Variants in SLC2A13 observed in about 807,000 individuals in gnomAD.
SLC2A13 encodes proton myo-inositol cotransporter.
In SLC2A13, 32 loss-of-function variants were observed where a neutral mutation model predicts 64.4. The ratio of observed to expected loss-of-function variants is 0.50; its 90% CI spans 0.37 to 0.67. SLC2A13 has a LOEUF of 0.67. Among genes scored for constraint, SLC2A13 ranks in the 30% least tolerant of loss-of-function variants. SLC2A13 has a pLI of 0.00. For missense variants in SLC2A13, 743 were observed against 829.2 expected (o/e 0.90, Z 1.28); for synonymous variants, 338 against 327.1 (o/e 1.03, Z -0.36).
intron 4 of SLC2A13, among the ~76,000 whole-genome samples, chr12:39,910,301 G>C (rs1231602776): frequency 2.0e-5 from 3 of 151,956 alleles, no homozygotes; most frequent in Non-Finnish European, 4.4e-5. Context: ...TGAAGCAAAA[G>C]GTCTTTTCTT....
chr12:39,759,840 T>C lies in SLC2A13; in HGVS notation c.*186A>G. On this transcript the variant is annotated 3_prime_UTR_variant, in exon 10 of 10. Transcript: ENST00000280871. Reference sequence around the variant, plus strand: ...TCTCTGTAAATATTTTTTAAAATATTGTTCCTTGTGGAAAAAAAAAGTCAT... The same window carrying C: ...TCTCTGTAAATATTTTTTAAAATATCGTTCCTTGTGGAAAAAAAAAGTCAT... 1 of 557,924 alleles carries C rather than the reference T, an allele frequency of 1.8e-6. No homozygotes were observed. Among genetic ancestry groups the C allele is most frequent in the East Asian group, 2.9e-5 (1 of 34,514 alleles). The allele number at this position is 557,924 out of a possible 1,614,324, so 34.6% of individuals were successfully genotyped here.
intron 7 of SLC2A13, among the ~76,000 whole-genome samples, chr12:39,792,773 C>G (rs1165407693): frequency 1.3e-5 from 2 of 149,368 alleles, no homozygotes; most frequent in Non-Finnish European, 3.0e-5. Flanking sequence ...ATTTAGAACC[C>G]ACTGATATGG....
At chr12:39,907,934 T>C (rs576487844) in intron 4 of SLC2A13, 1 of 151,762 alleles carries the variant, frequency 6.6e-6, no homozygotes, top group Admixed American at 6.6e-5. Context: ...TTTCCACCTT[T>C]ACAACTACGC....
rs1469307059 is a variant in SLC2A13, at chr12:40,066,525, A to T, written c.557-18315T>A. On this transcript the variant is annotated intron_variant, in intron 1 of 9. Coordinates refer to ENST00000280871, the MANE Select transcript of SLC2A13 (RefSeq NM_052885.4). ...AGAATTAAGATATAAATAAGCAATA[A>T]TAATCCATCACTTATTCCGAAAATG... Among the ~76,000 whole-genome samples, 3 of 152,374 alleles carry T rather than the reference A, an allele frequency of 2.0e-5. No individual in the cohort carries two copies. The East Asian group carries it at 5.8e-4, about 29-fold the overall frequency.
At chr12:39,827,540 C>T (rs928686690) in intron 7 of SLC2A13, among the ~76,000 whole-genome samples, 12 of 152,218 alleles carry the variant, frequency 7.9e-5, no homozygotes, top group Admixed American at 1.3e-4. Flanking sequence ...TCTTTTGTGA[C>T]GCTTGGGGAT....
intron 4 of SLC2A13, among the ~76,000 whole-genome samples, chr12:39,893,230 C>T (rs73105001): frequency 0.011 from 1,683 of 152,244 alleles, 37 homozygotes; most frequent in African/African-American, 0.037. Flanking sequence ...TAAATGAATA[C>T]TTGGGATTTT....
At chr12:39,882,428 C>T (rs1049165341) in intron 4 of SLC2A13, among the ~76,000 whole-genome samples, 5 of 152,216 alleles carry the variant, frequency 3.3e-5, no homozygotes, top group African/African-American at 1.2e-4. Context: ...ATACTTATGT[C>T]ATAAATTCCA....
At chr12:39,769,335 T>A (rs1350459078) in intron 7 of SLC2A13, among the ~76,000 whole-genome samples, 1 of 152,068 alleles carries the variant, frequency 6.6e-6, no homozygotes, top group South Asian at 2.1e-4. Context: ...TCAATTTCAG[T>A]TGAGAAAAAT....
At position 39,759,795 on chromosome 12, in the gene SLC2A13, T is replaced by G. The variant is rs1940068462; in HGVS notation, c.*231A>C. On this transcript the variant is annotated 3_prime_UTR_variant, in exon 10 of 10. Coordinates refer to ENST00000280871, the MANE Select transcript of SLC2A13 (RefSeq NM_052885.4). ...CAGGAAGGCATTACACACATTTGCT[T>G]AAGAATTATTAGATTAAAATCTCTG... The G allele has an allele frequency of 2.0e-6, 1 of 491,718 alleles. No homozygotes were observed. Among genetic ancestry groups the G allele is most frequent in the African/African-American group, 2.0e-5 (1 of 51,250 alleles). The allele number at this position is 491,718 out of a possible 1,614,324, so 30.5% of individuals were successfully genotyped here.
At chr12:40,005,650 T>C (rs1217628190) in intron 3 of SLC2A13, among the ~76,000 whole-genome samples, 1 of 152,222 alleles carries the variant, frequency 6.6e-6, no homozygotes, top group East Asian at 1.9e-4. Flanking sequence ...GTTCTGTGCA[T>C]GAAGCCCAGT....
At chr12:40,007,987 T>C (rs557913854) in intron 3 of SLC2A13, among the ~76,000 whole-genome samples, 1 of 152,304 alleles carries the variant, frequency 6.6e-6, no homozygotes, top group African/African-American at 2.4e-5. Context: ...AAGCACTTTC[T>C]ACTTCTGAGG....
intron 4 of SLC2A13, among the ~76,000 whole-genome samples, chr12:39,880,539 A>G (rs1416422579): frequency 6.6e-6 from 1 of 152,234 alleles, no homozygotes; most frequent in Admixed American, 6.5e-5. Flanking sequence ...CTACCATTAA[A>G]TCAAGCAATG....
At chr12:39,850,466 G>A (rs1220110452) in intron 6 of SLC2A13, among the ~76,000 whole-genome samples, 2 of 152,056 alleles carry the variant, frequency 1.3e-5, no homozygotes, top group African/African-American at 2.4e-5. Context: ...GCTATAACAA[G>A]CAATAATACT....
At chr12:39,830,547 T>G in intron 6 of SLC2A13, 5 of 996,622 alleles carry the variant, frequency 5.0e-6, no homozygotes, top group Non-Finnish European at 6.1e-6. Context: ...CCACTGAGAT[T>G]TGTTACCAAA....
intron 9 of SLC2A13, among the ~76,000 whole-genome samples, chr12:39,763,020 T>A (rs557793430): frequency 2.6e-5 from 4 of 152,064 alleles, no homozygotes; most frequent in Non-Finnish European, 5.9e-5. Context: ...TGCCTTTCTA[T>A]GAAAAATGCT....
At chr12:40,082,808 G>A (rs1281398962) in intron 1 of SLC2A13, among the ~76,000 whole-genome samples, 1 of 152,184 alleles carries the variant, frequency 6.6e-6, no homozygotes, top group Non-Finnish European at 1.5e-5. Context: ...CTAGAGGTCT[G>A]TAACGAGAGT....
chr12:39,950,141 AT>A (rs1946202614), intron 4 of SLC2A13: 2 of 152,200 alleles, frequency 1.3e-5, no homozygotes, highest in Non-Finnish European at 2.9e-5. Flanking sequence ...ACAAATCTTG[AT>A]TTAATATACT....
In SLC2A13 at chr12:40,105,579, G is replaced by C. The variant is rs773356809; in HGVS notation, c.230C>G (p.Thr77Ser). The C allele has an allele frequency of 1.4e-5, 22 of 1,560,380 alleles. No individual in the cohort carries two copies. The highest frequency in any genetic ancestry group is 1.9e-5 in the Non-Finnish European group (22 of 1,156,220). The change falls in exon 1 of 10, where the codon ACC becomes AGC. Residue 77 changes from threonine (T) to serine (S), a missense_variant. Around this residue, in one of 2 missense-constraint regions of SLC2A13, gnomAD observed 448 missense variants for 447.4 expected, o/e 1.00. Coordinates refer to ENST00000280871, the MANE Select transcript of SLC2A13 (RefSeq NM_052885.4). This position sits in a 1 kb window ranked among gnomAD's most constrained non-coding sequence, Gnocchi z 4.2. Reference protein sequence around the residue: ...AARRQFQQDETPAFVYVVAVF... With the variant: ...AARRQFQQDESPAFVYVVAVF... The stretch of plus-strand genomic sequence containing the variant: ...GGCCACCACGTACACGAAGGCGGGG[G>C]TCTCGTCCTGCTGGAACTGCCGCCG...
intron 1 of SLC2A13, among the ~76,000 whole-genome samples, chr12:40,051,342 G>T (rs1948249700): frequency 2.0e-5 from 3 of 152,158 alleles, no homozygotes; most frequent in Admixed American, 2.0e-4. Context: ...GAATATGTGT[G>T]CAGATAAGAT....
Sources: gnomAD v4.1 joint callset for allele counts (sites outside exome capture counted in the v4.1 genomes callset) on GRCh38, gnomAD v4.1.1 for gene constraint, gnomAD v4.1.1 regional missense constraint, Gnocchi (gnomAD v3.1) non-coding constraint, MANE v1.5 for transcripts, NCBI Gene and HGNC (gene_info 2026-07-23, HGNC 2026-07-21) for gene names.